Variants in LUC7L3 observed in about 807,000 individuals in gnomAD.
The protein encoded by LUC7L3 is LUC7 like 3 pre-mRNA splicing factor.
LUC7L3 carries 6 observed loss-of-function variants against 66.8 expected under a neutral mutation model. The observed-to-expected ratio is 0.09, with a 90% CI of 0.05 to 0.18. LUC7L3 has a LOEUF of 0.18. Among genes scored for constraint, LUC7L3 ranks in the 10% least tolerant of loss-of-function variants. LUC7L3 has a pLI of 1.00. For missense variants in LUC7L3, 341 were observed against 531.1 expected (o/e 0.64, Z 3.52); for synonymous variants, 160 against 174.7 (o/e 0.92, Z 0.66).
intron 1 of LUC7L3, 135 bp from the exon 2 acceptor site, chr17:50,736,825 A>G: frequency 3.2e-6 from 2 of 629,790 alleles, no homozygotes; most frequent in South Asian, 3.8e-5. Context: ...ACCTAATATG[A>G]TTCAACAAAT....
At chr17:50,743,354 A>G (rs1015233225) in intron 5 of LUC7L3, among the ~76,000 whole-genome samples, 3 of 151,312 alleles carry the variant, frequency 2.0e-5, no homozygotes, top group Admixed American at 6.6e-5. Context: ...GCCCACCACC[A>G]TGCCTGGCTA....
chr17:50,745,360 C>G (rs567946488), intron 7 of LUC7L3, among the ~76,000 whole-genome samples: 1 of 152,242 alleles, frequency 6.6e-6, no homozygotes, highest in South Asian at 2.1e-4. Context: ...CTATCAGTAG[C>G]TATAGATAAA....
chr17:50,737,281 A>T (rs1009658632), intron 2 of LUC7L3: 8 of 588,368 alleles, frequency 1.4e-5, no homozygotes, highest in Admixed American at 1.1e-4. Context: ...AAAAAATTTT[A>T]AAAAGATGTA....
chr17:50,723,931 G>A (rs530923304), intron 1 of LUC7L3: 10 of 454,648 alleles, frequency 2.2e-5, no homozygotes, highest in African/African-American at 2.0e-4. Flanking sequence ...CACTGCGCCC[G>A]GCTGGCATTT....
At position 50,754,331 on chromosome 17, in the gene LUC7L3, T is replaced by C. The variant is rs1469513195; in HGVS notation, c.*3670T>C. The C allele has an allele frequency of 6.6e-6, 1 of 152,240 alleles. No homozygotes were observed. Among genetic ancestry groups the C allele is most frequent in the African/African-American group, 2.4e-5 (1 of 41,462 alleles). The allele number at this position is 152,240 out of a possible 1,614,324, so 9.4% of individuals were successfully genotyped here. A position where few individuals can be genotyped will look rare whatever the true frequency, so the allele number is the denominator to read the frequency against. Reference sequence around the variant, plus strand: ...GTTAACTCATCACCAACAAGACTCATGACCACTTTTATACTTCATGAGTGA... The same window carrying C: ...GTTAACTCATCACCAACAAGACTCACGACCACTTTTATACTTCATGAGTGA... On this transcript the variant is annotated 3_prime_UTR_variant, in exon 10 of 10. Coordinates refer to ENST00000505658, the MANE Select transcript of LUC7L3 (RefSeq NM_016424.5).
intron 2 of LUC7L3, among the ~76,000 whole-genome samples, chr17:50,737,956 C>T (rs1056685917): frequency 1.3e-5 from 2 of 152,084 alleles, no homozygotes; most frequent in African/African-American, 4.8e-5. Context: ...ACAATCTTTG[C>T]CTTAGAGCAT....
In LUC7L3 at chr17:50,751,190, C is replaced by T. The variant is rs2143086408; in HGVS notation, c.*529C>T. 3 of 1,470,088 alleles carry T rather than the reference C, an allele frequency of 2.0e-6. No individual in the cohort carries two copies. The highest frequency in any genetic ancestry group is 2.5e-5 in the South Asian group (2 of 80,370). The allele number at this position is 1,470,088 out of a possible 1,614,324, so 91.1% of individuals were successfully genotyped here. On this transcript the variant is annotated 3_prime_UTR_variant, in exon 10 of 10. Coordinates refer to ENST00000505658, the MANE Select transcript of LUC7L3 (RefSeq NM_016424.5). ...TGTTTCTAGTTTTTTGCTTTATTGC[C>T]TTGCATTCTAATGCAGTTTGTTCTG...
Position 50,741,717 on chromosome 17 carries a change from G to T in LUC7L3, c.412G>T (p.Val138Leu). The T allele has an allele frequency of 6.2e-7, 1 of 1,613,452 alleles. No homozygotes were observed. Among genetic ancestry groups the T allele is most frequent in the East Asian group, 2.2e-5 (1 of 44,880 alleles). Residue 138 changes from valine (V) to leucine (L), a missense_variant, in exon 5 of 10, where the codon GTA (valine) becomes TTA (leucine). Val to Leu is a conservative substitution (Grantham distance 32, BLOSUM62 1). Transcript: ENST00000505658. Reference sequence around the variant, plus strand: ...TCAGGTTCTAACAGACAAAATTGATGTACTTCTGCAACAGGTGAGAATTGT... The same window carrying T: ...TCAGGTTCTAACAGACAAAATTGATTTACTTCTGCAACAGGTGAGAATTGT... ...KIQVLTDKID[V>L]LLQQIEELGS... is the part of the protein sequence containing the mutation.
intron 7 of LUC7L3, 34 bp downstream of exon 7, chr17:50,744,847 T>C: frequency 6.3e-7 from 1 of 1,585,486 alleles, no homozygotes; most frequent in Non-Finnish European, 8.6e-7. Flanking sequence ...GGCAGATTCT[T>C]GCTCTGTCAC....
In LUC7L3 at chr17:50,745,833, A is replaced by T. The variant is rs1245646018; in HGVS notation, c.807A>T (p.Glu269Asp). The change falls in exon 8 of 10, where the codon GAA becomes GAT. Residue 269 changes from glutamate (E) to aspartate (D), a missense_variant. This residue lies in a region of LUC7L3 where 210 missense variants were observed against 238.1 expected (regional missense o/e 0.88). Transcript: ENST00000505658. The stretch of plus-strand genomic sequence containing the variant: ...GGGAGAGAGAAAGGGAAGAAAGAGA[A>T]AGGAAAAGACGAAGGGAAGAGGAAG... ...KEREREREERERKRRREEEER... is the reference protein window; with the variant it reads ...KEREREREERDRKRRREEEER... The T allele has an allele frequency of 2.5e-6, 4 of 1,588,718 alleles. No individual in the cohort carries two copies. The Admixed American group carries it at 5.2e-5, about 21-fold the overall frequency.
intron 9 of LUC7L3, 123 bp downstream of exon 9, chr17:50,746,825 C>A: frequency 4.0e-6 from 3 of 741,440 alleles, no homozygotes; most frequent in Non-Finnish European, 6.3e-6. Context: ...TTGAGGAATG[C>A]CATTCAGTAG....
intron 1 of LUC7L3, among the ~76,000 whole-genome samples, chr17:50,727,069 A>G (rs60756262): frequency 0.11 from 16,138 of 152,108 alleles, 1,524 homozygotes; most frequent in African/African-American, 0.25. Context: ...AGCCTGGCTG[A>G]CAGAGCGAGA....
At chr17:50,736,864 T>A (rs1035180798) in intron 1 of LUC7L3, 96 bp from the exon 2 acceptor site, 2 of 742,624 alleles carry the variant, frequency 2.7e-6, no homozygotes, top group Non-Finnish European at 4.7e-6. Flanking sequence ...GAAACATACA[T>A]ACCTCAAGAA....
Position 50,725,366 on chromosome 17 carries a change from C to T in LUC7L3, c.99+5535C>T, listed in dbSNP as rs556070445. 1.8e-4 allele frequency among the ~76,000 whole-genome samples: 28 copies of T among 152,174 alleles called. No individual in the cohort carries two copies. In the South Asian group the frequency reaches 5.2e-3, roughly 28 times the overall value. On this transcript the variant is annotated intron_variant, in intron 1 of 9. Transcript: ENST00000505658. ...TGGAGGTTGCAGTGAGCCGAGATCA[C>T]GCCACTGCATTCCAGCCTGCGTGAC...
chr17:50,744,796 A>G lies in LUC7L3; in HGVS notation c.676A>G (p.Thr226Ala). 6.2e-7 allele frequency: 1 copy of G among 1,610,208 alleles called. No homozygotes were observed. Among genetic ancestry groups the G allele is most frequent in the Non-Finnish European group, 8.5e-7 (1 of 1,179,028 alleles). Residue 226 changes from threonine to alanine, a missense_variant, in exon 7 of 10, where the codon ACT (threonine) becomes GCT (alanine). Around this residue, in one of 6 missense-constraint regions of LUC7L3, gnomAD observed 17 missense variants for 48.2 expected, o/e 0.35. Coordinates refer to ENST00000505658, the MANE Select transcript of LUC7L3 (RefSeq NM_016424.5). ...QHMGYAKIKATVEELKEKLRK... is the reference protein window; with the variant it reads ...QHMGYAKIKAAVEELKEKLRK... ...CATGGGCTATGCCAAAATTAAAGCT[A>G]CTGTAGAAGAATTAAAAGTAAGTTT...
chr17:50,731,261 C>T (rs1282445707), intron 1 of LUC7L3, among the ~76,000 whole-genome samples: 9 of 152,152 alleles, frequency 5.9e-5, no homozygotes, highest in Admixed American at 3.3e-4. Flanking sequence ...CTCTCCCTCC[C>T]GGGTTCAAGC....
chr17:50,751,400 A>G lies in LUC7L3; in HGVS notation c.*739A>G, dbSNP rs1398062295. On this transcript the variant is annotated 3_prime_UTR_variant, in exon 10 of 10. Transcript: ENST00000505658. ...GGTACTCCTTTCTCTACCCACATCCATGTTTGAATGCTATTGCCTGTGATC... is the reference window on the plus strand; with the variant it reads ...GGTACTCCTTTCTCTACCCACATCCGTGTTTGAATGCTATTGCCTGTGATC... 2.3e-6 allele frequency: 3 copies of G among 1,290,686 alleles called. No individual in the cohort carries two copies. Among genetic ancestry groups the G allele is most frequent in the African/African-American group, 1.5e-5 (1 of 65,930 alleles). 80.0% of individuals were successfully genotyped at this position (1,290,686 alleles called of 1,614,324 possible).
At chr17:50,744,503 T>C (rs1418913751) in intron 6 of LUC7L3, 149 bp from the exon 7 acceptor site, 9 of 662,886 alleles carry the variant, frequency 1.4e-5, no homozygotes, top group African/African-American at 3.7e-5. Context: ...TCTCTAAAAG[T>C]TGACCACTTG....
At chr17:50,743,173 T>G (rs1227062644) in intron 5 of LUC7L3, among the ~76,000 whole-genome samples, 1 of 149,308 alleles carries the variant, frequency 6.7e-6, no homozygotes. Context: ...AAAACCAGCC[T>G]GGGCAACATA....
Sources: gnomAD v4.1 joint callset for allele counts (sites outside exome capture counted in the v4.1 genomes callset) on GRCh38, gnomAD v4.1.1 for gene constraint, gnomAD v4.1.1 regional missense constraint, MANE v1.5 for transcripts, NCBI Gene and HGNC (gene_info 2026-07-23, HGNC 2026-07-21) for gene names.